Variants in GTF2IRD1 observed in about 807,000 individuals in gnomAD.
The protein encoded by GTF2IRD1 is general transcription factor II-I repeat domain-containing protein 1.
A neutral mutation model predicts 113.2 loss-of-function variants in GTF2IRD1; 26 were observed. That is an observed-to-expected ratio of 0.23 (90% CI 0.17 to 0.32). The LOEUF is 0.32. Ranked by LOEUF, GTF2IRD1 falls within the 10% of genes least tolerant of loss-of-function variation. The pLI is 1.00. For synonymous variants in GTF2IRD1, 484 were observed against 529.1 expected, an observed-to-expected ratio of 0.91 and a Z score of 1.17; for missense variants, 864 against 1,280.8, an observed-to-expected ratio of 0.67 and a Z score of 4.97.
chr7:74,523,574 G>A (rs1421098163), intron 7 of GTF2IRD1, among the ~76,000 whole-genome samples: 3 of 152,050 alleles, frequency 2.0e-5, no homozygotes, highest in East Asian at 3.9e-4. Context: ...ACAAAAATAA[G>A]CCAGGTGTGG....
In GTF2IRD1 at chr7:74,487,931, C is replaced by T. The variant is rs537353314; in HGVS notation, c.-6-20144C>T. Among the ~76,000 whole-genome samples the T allele has an allele frequency of 8.9e-4, 135 of 152,064 alleles. 1 individual carries two copies. Among genetic ancestry groups the T allele is most frequent in the Non-Finnish European group, 1.6e-3 (107 of 68,002 alleles). On this transcript the variant is annotated intron_variant, in intron 1 of 26. Transcript: ENST00000424337. The stretch of plus-strand genomic sequence containing the variant: ...CTTCCATTTTTTTCAGAATATTGTG[C>T]CTCCTCAAACATCATGGTAAGAGGG...
At chr7:74,458,428 G>A (rs1793137815) in intron 1 of GTF2IRD1, among the ~76,000 whole-genome samples, 1 of 151,958 alleles carries the variant, frequency 6.6e-6, no homozygotes, top group African/African-American at 2.4e-5. Context: ...GAGGGGCCTG[G>A]CCTCTCGGAA....
chr7:74,479,752 CTTTTTT>C (rs1219454712), intron 1 of GTF2IRD1, among the ~76,000 whole-genome samples: 7 of 122,148 alleles, frequency 5.7e-5, no homozygotes, highest in African/African-American at 1.9e-4. Flanking sequence ...GTACATGAAT[CTTTTTT>C]TTTTTTTTTT....
At chr7:74,583,937 G>C (rs1801576714) in intron 22 of GTF2IRD1, among the ~76,000 whole-genome samples, 1 of 152,158 alleles carries the variant, frequency 6.6e-6, no homozygotes, top group African/African-American at 2.4e-5. Context: ...GCCCCGTGTG[G>C]TGGTCACCTC....
intron 1 of GTF2IRD1, among the ~76,000 whole-genome samples, chr7:74,477,844 C>T (rs1794513300): frequency 6.6e-6 from 1 of 152,130 alleles, no homozygotes; most frequent in Non-Finnish European, 1.5e-5. Context: ...TTCCGTCCAG[C>T]CTTTTCCCGA....
intron 25 of GTF2IRD1, among the ~76,000 whole-genome samples, chr7:74,597,649 G>T (rs1410912222): frequency 7.2e-5 from 11 of 151,968 alleles, no homozygotes; most frequent in African/African-American, 2.7e-4. Flanking sequence ...GCCTGGCCGA[G>T]ACCCCGTCTC....
chr7:74,590,392 A>AT (rs879995607), intron 23 of GTF2IRD1, among the ~76,000 whole-genome samples: 112 of 122,052 alleles, frequency 9.2e-4, no homozygotes, highest in Middle Eastern at 7.0e-3. Flanking sequence ...GTAGGTCTTG[A>AT]TTTTTTTTTT....
chr7:74,462,512 C>T (rs1562767435), intron 1 of GTF2IRD1, among the ~76,000 whole-genome samples: 1 of 152,222 alleles, frequency 6.6e-6, no homozygotes, highest in Non-Finnish European at 1.5e-5. Context: ...GGTAGCTGGT[C>T]CCTTCTGGTC....
chr7:74,539,392 G>A (rs181495219), intron 13 of GTF2IRD1, among the ~76,000 whole-genome samples: 149 of 152,200 alleles, frequency 9.8e-4, no homozygotes, highest in African/African-American at 3.3e-3. Flanking sequence ...AGGCTGCAGT[G>A]AGCAGTCATC....
In GTF2IRD1 at chr7:74,510,602, C is replaced by T. The variant is rs185061953; in HGVS notation, c.124-2228C>T. On this transcript the variant is annotated intron_variant, in intron 2 of 26. Coordinates refer to ENST00000424337, the MANE Select transcript of GTF2IRD1 (RefSeq NM_005685.4). Reference sequence around the variant, plus strand: ...GGGATTACAGGTGTGAGCCACTGCCCCTGATTCATTTAAATTCGAATTCGT... The same window carrying T: ...GGGATTACAGGTGTGAGCCACTGCCTCTGATTCATTTAAATTCGAATTCGT... Among the ~76,000 whole-genome samples, 65 of 152,102 alleles carry T rather than the reference C, an allele frequency of 4.3e-4. 1 individual carries two copies. In the East Asian group the frequency reaches 0.011, roughly 26 times the overall value.
chr7:74,538,598 C>T (rs1798441558), intron 12 of GTF2IRD1, 82 bp from the exon 13 acceptor site: 2 of 869,758 alleles, frequency 2.3e-6, no homozygotes, highest in African/African-American at 1.6e-5. Flanking sequence ...AAGTTACAGA[C>T]ACCAGAATGT....
chr7:74,562,957 T>C (rs1554359571), intron 22 of GTF2IRD1, among the ~76,000 whole-genome samples: 2 of 152,284 alleles, frequency 1.3e-5, no homozygotes, highest in South Asian at 4.1e-4. Context: ...GACATGTATT[T>C]TTATTTTTCT....
At position 74,555,327 on chromosome 7, in the gene GTF2IRD1, T is replaced by C; in HGVS notation, c.1966+104T>C. 15 of 1,464,364 alleles carry C rather than the reference T, an allele frequency of 1.0e-5. No homozygotes were observed. Among genetic ancestry groups the C allele is most frequent in the Non-Finnish European group, 1.3e-5 (14 of 1,045,816 alleles). 90.7% of individuals were successfully genotyped at this position (1,464,364 alleles called of 1,614,324 possible). A position where few individuals can be genotyped will look rare whatever the true frequency, so the allele number is the denominator to read the frequency against. ...TGCTGCCTCTGTCCTGCTCCCATCC[T>C]GGCCCTGGCATTCTCCCCACACCCC... On this transcript the variant is annotated intron_variant, in intron 18 of 26. Coordinates refer to ENST00000424337, the MANE Select transcript of GTF2IRD1 (RefSeq NM_005685.4). This position sits in a 1 kb window ranked among gnomAD's most constrained non-coding sequence, Gnocchi z 5.3.
intron 22 of GTF2IRD1, among the ~76,000 whole-genome samples, chr7:74,568,794 T>A (rs1800505828): frequency 6.6e-6 from 1 of 151,908 alleles, no homozygotes; most frequent in South Asian, 2.1e-4. Context: ...AATGTCCCCA[T>A]GGGGATGAAG....
At chr7:74,585,110 G>GTTTTTTT (rs781982819) in intron 22 of GTF2IRD1, among the ~76,000 whole-genome samples, 1 of 121,962 alleles carries the variant, frequency 8.2e-6, no homozygotes, top group Non-Finnish European at 1.7e-5. Flanking sequence ...CCTGTTTGGT[G>GTTTTTTT]TTTTTTTTTT....
At chr7:74,472,052 G>C (rs928018015) in intron 1 of GTF2IRD1, among the ~76,000 whole-genome samples, 8 of 152,166 alleles carry the variant, frequency 5.3e-5, no homozygotes, top group Non-Finnish European at 1.0e-4. Context: ...CAGAAAGAAT[G>C]AATTTTATTG....
chr7:74,508,531 G>T (rs73364474), intron 2 of GTF2IRD1, among the ~76,000 whole-genome samples: 15,434 of 151,698 alleles, frequency 0.1, 1,941 homozygotes, highest in East Asian at 0.39. Flanking sequence ...CTCTACTAAA[G>T]ATACAAAAAA....
chr7:74,532,756 TCAGCCTTG>T (rs1488421234), intron 9 of GTF2IRD1, among the ~76,000 whole-genome samples: 1 of 152,110 alleles, frequency 6.6e-6, no homozygotes, highest in African/African-American at 2.4e-5. Flanking sequence ...GAAGTCACCG[TCAGCCTTG>T]CACCCCCGGC....
chr7:74,546,333 T>A (rs1386218539), intron 16 of GTF2IRD1, among the ~76,000 whole-genome samples: 1 of 150,848 alleles, frequency 6.6e-6, no homozygotes. Context: ...GAAATTCTCC[T>A]GCCTCACCCT....
Sources: gnomAD v4.1 joint callset for allele counts (sites outside exome capture counted in the v4.1 genomes callset) on GRCh38, gnomAD v4.1.1 for gene constraint, Gnocchi (gnomAD v3.1) non-coding constraint, MANE v1.5 for transcripts, NCBI Gene and HGNC (gene_info 2026-07-23, HGNC 2026-07-21) for gene names.